FBLN2: variants seen among roughly 807,000 people sequenced by gnomAD.
FBLN2 encodes the protein fibulin-2.
FBLN2 carries 81 observed loss-of-function variants against 123.7 expected under a neutral mutation model. The observed-to-expected ratio is 0.65, with a 90% confidence interval of 0.55 to 0.79. FBLN2 has a LOEUF of 0.79. Ranked by LOEUF, FBLN2 falls within the 30% of genes least tolerant of loss-of-function variation. The pLI, the probability that FBLN2 is intolerant of heterozygous loss-of-function variation, is 0.00. For missense variants in FBLN2, 1,603 were observed against 1,681.3 expected (o/e 0.95, Z 0.81); for synonymous variants, 699 against 701.4 (o/e 1.00, Z 0.05).
intron 2 of FBLN2, among the ~76,000 whole-genome samples, chr3:13,596,695 C>T (rs1165408454): frequency 1.3e-5 from 2 of 152,118 alleles, no homozygotes; most frequent in African/African-American, 4.8e-5. Flanking sequence ...ACTCTGTCTC[C>T]ATTAAACCCT....
intron 1 of FBLN2, among the ~76,000 whole-genome samples, chr3:13,568,515 G>A (rs1364696474): frequency 2.6e-5 from 4 of 152,226 alleles, no homozygotes; most frequent in Non-Finnish European, 5.9e-5. Flanking sequence ...ACGCCCAGAG[G>A]CCCTCACAGC....
At position 13,638,045 on chromosome 3, in the gene FBLN2, C is replaced by T; in HGVS notation, c.*126C>T. The T allele has an allele frequency of 1.1e-6, 1 of 923,744 alleles. No individual in the cohort carries two copies. Among genetic ancestry groups the T allele is most frequent in the Non-Finnish European group, 1.6e-6 (1 of 609,700 alleles). The allele number at this position is 923,744 out of a possible 1,614,324, so 57.2% of individuals were successfully genotyped here. On this transcript the variant is annotated 3_prime_UTR_variant, in exon 18 of 18. Transcript: ENST00000404922. ...TTAACTTAATTTTGCTGACTTGACT[C>T]CTGTGGCTTCTGGACCCCTCCTCTG...
rs549795232 is a variant in FBLN2 at position 13,629,209 on chromosome 3, A to G, written c.2759A>G (p.Gln920Arg). The change falls in exon 13 of 18, where the codon CAA becomes CGA. Residue 920 changes from glutamine to arginine, a missense_variant. Gln to Arg is a conservative substitution (Grantham distance 43). Coordinates refer to ENST00000404922, the MANE Select transcript of FBLN2 (RefSeq NM_001004019.2). Reference sequence around the variant, plus strand: ...GGTGTGCACCGCTGCGGTGAGGGCCAAGTGTGCCACAACCTCCCTGGCTCC... The same window carrying G: ...GGTGTGCACCGCTGCGGTGAGGGCCGAGTGTGCCACAACCTCCCTGGCTCC... ...ETGVHRCGEGQVCHNLPGSYR... is the reference protein window; with the variant it reads ...ETGVHRCGEGRVCHNLPGSYR... 6.2e-7 allele frequency: 1 copy of G among 1,613,340 alleles called. No homozygotes were observed. Among genetic ancestry groups the G allele is most frequent in the South Asian group, 1.1e-5 (1 of 91,082 alleles).
At chr3:13,585,431 G>A (rs1175877028) in intron 2 of FBLN2, among the ~76,000 whole-genome samples, 1 of 152,192 alleles carries the variant, frequency 6.6e-6, no homozygotes, top group Non-Finnish European at 1.5e-5. Context: ...CAAGTTCTAG[G>A]AAGGCGGGCC....
In FBLN2 at chr3:13,596,156, T is replaced by G. The variant is rs139395645; in HGVS notation, c.1307-11906T>G. Among the ~76,000 whole-genome samples the G allele has an allele frequency of 2.5e-3, 381 of 152,336 alleles. 5 individuals carry two copies. The highest frequency in any genetic ancestry group is 8.8e-3 in the African/African-American group (364 of 41,580). On this transcript the variant is annotated intron_variant, in intron 2 of 17. Coordinates refer to ENST00000404922, the MANE Select transcript of FBLN2 (RefSeq NM_001004019.2). The stretch of plus-strand genomic sequence containing the variant: ...ATATAGCATCAGTTTTGCTTTGTTT[T>G]GAGGTAAGGTCTTGCTCTGTCTCCA...
intron 4 of FBLN2, 46 bp downstream of exon 4, chr3:13,609,688 G>GGGGGGGGGGGGCGC: frequency 2.0e-6 from 1 of 512,600 alleles, no homozygotes. Context: ...GTGGGGCGGG[G>GGGGGGGGGGGGCGC]CGGGAGGCTG....
chr3:13,624,626 A>C (rs959056148), intron 9 of FBLN2, among the ~76,000 whole-genome samples: 1 of 152,028 alleles, frequency 6.6e-6, no homozygotes, highest in Admixed American at 6.5e-5. Context: ...TCCTCTAGTC[A>C]TCCTTGTAGA....
chr3:13,629,378 C>A, intron 13 of FBLN2, 86 bp downstream of exon 13: 1 of 1,460,078 alleles, frequency 6.8e-7, no homozygotes, highest in Non-Finnish European at 9.1e-7. Flanking sequence ...TGCCCAGCAC[C>A]TCCACTGCCT....
intron 2 of FBLN2, among the ~76,000 whole-genome samples, chr3:13,588,583 C>T (rs573971723): frequency 6.6e-6 from 1 of 152,236 alleles, no homozygotes; most frequent in East Asian, 1.9e-4. Context: ...CCTGCTGCCT[C>T]TTCTCCAGGC....
intron 1 of FBLN2, among the ~76,000 whole-genome samples, chr3:13,568,218 C>T (rs1201656982): frequency 6.6e-6 from 1 of 152,200 alleles, no homozygotes; most frequent in Admixed American, 6.5e-5. Context: ...GCTTCCATCT[C>T]CCTGCCCGTC....
intron 1 of FBLN2, among the ~76,000 whole-genome samples, chr3:13,564,763 G>C (rs1703696268): frequency 6.6e-6 from 1 of 152,244 alleles, no homozygotes; most frequent in African/African-American, 2.4e-5. Flanking sequence ...AGGTGGCCTT[G>C]ACCTTCCAGT....
rs1239839067 is a variant in FBLN2 at position 13,571,602 on chromosome 3, A to G, written c.1247A>G (p.His416Arg). The change falls in exon 2 of 18, where the codon CAC becomes CGC. Residue 416 changes from histidine to arginine, a missense_variant. Transcript: ENST00000404922. ...AAGCCGCAAGTTCTGCCCCATTCCC[A>G]CGTGGAGGAGGACACAGACCCCAAC... ...PRKPQVLPHS[H>R]VEEDTDPNSV... The G allele has an allele frequency of 3.7e-6, 6 of 1,612,260 alleles. No individual in the cohort carries two copies. Among genetic ancestry groups the G allele is most frequent in the Non-Finnish European group, 5.1e-6 (6 of 1,179,264 alleles).
At chr3:13,577,150 G>C (rs1216881655) in intron 2 of FBLN2, among the ~76,000 whole-genome samples, 2 of 151,552 alleles carry the variant, frequency 1.3e-5, no homozygotes, top group African/African-American at 4.9e-5. Context: ...TTGAACCCGG[G>C]AGGCAGAGGT....
chr3:13,612,180 T>C (rs1464682748), intron 4 of FBLN2, among the ~76,000 whole-genome samples: 1 of 152,170 alleles, frequency 6.6e-6, no homozygotes, highest in Non-Finnish European at 1.5e-5. Flanking sequence ...GAGGACCCTG[T>C]TGACAGGGTC....
rs748736945 is a variant in FBLN2 at position 13,614,897 on chromosome 3, CATCT to C, written c.1729+737_1729+740del. On this transcript the variant is annotated intron_variant, in intron 5 of 17. Coordinates refer to ENST00000404922, the MANE Select transcript of FBLN2 (RefSeq NM_001004019.2). The stretch of plus-strand genomic sequence containing the variant: ...CTATCCATCTGTCTGATCATCTATT[CATCT>C]ATCCATCCATCCATCCATCCATCCA... Among the ~76,000 whole-genome samples, 477 of 145,484 alleles carry C rather than the reference CATCT, an allele frequency of 3.3e-3. 3 individuals are homozygous for C. Among genetic ancestry groups the C allele is most frequent in the Non-Finnish European group, 5.2e-3 (342 of 66,366 alleles).
intron 7 of FBLN2, among the ~76,000 whole-genome samples, chr3:13,619,245 C>G (rs1301145764): frequency 6.6e-6 from 1 of 152,106 alleles, no homozygotes; most frequent in Non-Finnish European, 1.5e-5. Context: ...TGTGTGACCC[C>G]AAACCAGCCA....
rs1173697644 is a variant in FBLN2 at position 13,624,385 on chromosome 3, AT to A, written c.2297-2057del. Among the ~76,000 whole-genome samples the A allele has an allele frequency of 1.4e-4, 21 of 152,210 alleles. No individual in the cohort carries two copies. In the South Asian group the frequency reaches 3.9e-3, roughly 29 times the overall value. ...TGTGGGAGGCTCTTGGGTTATGGGC[AT>A]TTCTGGGGTCCTGGGAATGGTCTCC... is the stretch of plus-strand genomic sequence containing the variant. On this transcript the variant is annotated intron_variant, in intron 9 of 17. Transcript: ENST00000404922.
intron 2 of FBLN2, among the ~76,000 whole-genome samples, chr3:13,593,695 C>G (rs1257202974): frequency 7.7e-6 from 1 of 129,222 alleles, no homozygotes; most frequent in Non-Finnish European, 1.6e-5. Context: ...GCCTGGGCGA[C>G]AGAGTGAGAC....
Position 13,570,611 on chromosome 3 carries a change from G to T in FBLN2, c.256G>T (p.Gly86Cys). 6.3e-7 allele frequency: 1 copy of T among 1,579,018 alleles called. No homozygotes were observed. The change falls in exon 2 of 18, where the codon GGT becomes TGT. Residue 86 changes from glycine to cysteine, a missense_variant. Physicochemically the swap from Gly to Cys is radical, Grantham distance 159. Transcript: ENST00000404922. The part of the protein sequence containing the change: ...GGFVRGRVPA[G>C]QSYFVDFGST... The stretch of plus-strand genomic sequence containing the variant: ...CTTCGTGCGCGGCCGCGTGCCCGCC[G>T]GTCAGTCCTATTTTGTGGACTTCGG...
Sources: allele counts gnomAD v4.1 joint callset (sites outside exome capture counted in the v4.1 genomes callset), GRCh38; gene constraint gnomAD v4.1.1; transcripts MANE v1.5; gene names NCBI Gene and HGNC (gene_info 2026-07-23, HGNC 2026-07-21).